PITPNM2: variants seen among roughly 807,000 people sequenced by gnomAD.
The protein encoded by PITPNM2 is phosphatidylinositol transfer protein membrane associated 2.
A neutral mutation model predicts 132.2 loss-of-function variants in PITPNM2; 35 were observed. That is an observed-to-expected ratio of 0.26 (90% confidence interval 0.20 to 0.35). The LOEUF (loss-of-function observed/expected upper bound fraction) is 0.35, where lower values mean the gene tolerates loss of function less well. PITPNM2 is among the 10% of genes least tolerant of loss of function. The pLI, the probability that PITPNM2 is intolerant of heterozygous loss-of-function variation, is 1.00. For missense variants in PITPNM2, 1,332 were observed against 1,912.0 expected (o/e 0.70, Z 5.66); for synonymous variants, 738 against 799.2 (o/e 0.92, Z 1.29).
chr12:123,079,769 G>T (rs2041903491), intron 2 of PITPNM2, among the ~76,000 whole-genome samples: 1 of 152,036 alleles, frequency 6.6e-6, no homozygotes, highest in South Asian at 2.1e-4. Context: ...TTTTATTGCA[G>T]TAAAATACAT....
chr12:123,117,427 T>C lies in PITPNM2; in HGVS notation c.-199-6939A>G, dbSNP rs144475557. On this transcript the variant is annotated intron_variant, in intron 1 of 25. Transcript: ENST00000320201. The surrounding 1 kb of genome is among the most constrained non-coding windows in gnomAD (Gnocchi z 4.7). ...GGATTCCCTGAGTGCAGTGAAGTGA[T>C]CATTGGCATGGGATTGAGACCAGAG... Among the ~76,000 whole-genome samples, 4 of 152,308 alleles carry C rather than the reference T, an allele frequency of 2.6e-5. No homozygotes were observed. Among genetic ancestry groups the C allele is most frequent in the East Asian group, 1.9e-4 (1 of 5,182 alleles).
chr12:123,098,956 ACTC>A (rs2137202214), intron 2 of PITPNM2, among the ~76,000 whole-genome samples: 1 of 151,250 alleles, frequency 6.6e-6, no homozygotes, highest in Admixed American at 6.6e-5. Flanking sequence ...CTCCTGATAA[ACTC>A]CTCCATATCC....
intron 1 of PITPNM2, 107 bp from the exon 2 acceptor site, chr12:123,110,595 A>G (rs547295613): frequency 6.6e-6 from 1 of 152,534 alleles, no homozygotes; most frequent in African/African-American, 2.4e-5. Context: ...AGAGGATTGA[A>G]CAGGGGACAT....
In PITPNM2 at chr12:122,983,559, C is replaced by A; in HGVS notation, c.*2468G>T. The A allele has an allele frequency of 6.5e-6, 1 of 152,924 alleles. No individual in the cohort carries two copies. The highest frequency in any genetic ancestry group is 1.5e-5 in the Non-Finnish European group (1 of 68,222). The allele number at this position is 152,924 out of a possible 1,614,324, so 9.5% of individuals were successfully genotyped here. ...ACACTCAGGCCCAATGATGCGGGGACAGCAGGGACGGATGGGGAGATGGGG... is the reference window on the plus strand; with the variant it reads ...ACACTCAGGCCCAATGATGCGGGGAAAGCAGGGACGGATGGGGAGATGGGG... On this transcript the variant is annotated 3_prime_UTR_variant, in exon 26 of 26. Coordinates refer to ENST00000320201, the MANE Select transcript of PITPNM2 (RefSeq NM_020845.3).
Position 122,995,274 on chromosome 12 carries a change from G to C in PITPNM2, c.2054+115C>G. The C allele has an allele frequency of 2.1e-6, 3 of 1,422,906 alleles. No homozygotes were observed. The Admixed American group carries it at 7.6e-5, about 36-fold the overall frequency. The allele number at this position is 1,422,906 out of a possible 1,614,324, so 88.1% of individuals were successfully genotyped here. ...ACTGGGATTCCAGGTCTCAGGCTGGGGGAACCTCAGGCAGACAGCCCGGGT... is the reference window on the plus strand; with the variant it reads ...ACTGGGATTCCAGGTCTCAGGCTGGCGGAACCTCAGGCAGACAGCCCGGGT... On this transcript the variant is annotated intron_variant, in intron 14 of 25. Coordinates refer to ENST00000320201, the MANE Select transcript of PITPNM2 (RefSeq NM_020845.3).
Position 122,986,436 on chromosome 12 carries a change from C to T in PITPNM2, c.3726G>A (p.Gln1242=), listed in dbSNP as rs1192030967. The change falls in exon 25 of 26, where the codon CAG becomes CAA. Residue 1242 remains glutamine, a splice_region_variant and synonymous_variant. Coordinates refer to ENST00000320201, the MANE Select transcript of PITPNM2 (RefSeq NM_020845.3). ...RPTKKLQQQC[Q]FITDGYAAHL... is the part of the protein sequence containing the mutation. ...CCGCCCCCACAATGCGCCCACTCACCTGGCACTGCTGCTGCAGCTTCTTGG... is the reference window on the plus strand; with the variant it reads ...CCGCCCCCACAATGCGCCCACTCACTTGGCACTGCTGCTGCAGCTTCTTGG... 6.4e-7 allele frequency: 1 copy of T among 1,570,134 alleles called. No homozygotes were observed. The highest frequency in any genetic ancestry group is 8.6e-7 in the Non-Finnish European group (1 of 1,158,378).
intron 2 of PITPNM2, among the ~76,000 whole-genome samples, chr12:123,069,097 T>A (rs1161869314): frequency 6.6e-6 from 1 of 151,478 alleles, no homozygotes; most frequent in Non-Finnish European, 1.5e-5. Flanking sequence ...TACAAAAAAA[T>A]TAAAAATTAG....
At position 122,994,871 on chromosome 12, in the gene PITPNM2, G is replaced by T; in HGVS notation, c.2163C>A (p.Asp721Glu). ...CCAGCGGGCACCCGAAGAGGAAGAGGTCGGTGATCTCAAAGTCAAACCTGC... is the reference window on the plus strand; with the variant it reads ...CCAGCGGGCACCCGAAGAGGAAGAGTTCGGTGATCTCAAAGTCAAACCTGC... ...ALGRFDFEITDLFLFGCPLGL... is the reference protein window; with the variant it reads ...ALGRFDFEITELFLFGCPLGL... The change falls in exon 15 of 26, where the codon GAC (aspartate) becomes GAA (glutamate). Residue 721 changes from aspartate (D) to glutamate (E), a missense_variant. Around this residue, in one of 6 missense-constraint regions of PITPNM2, gnomAD observed 710 missense variants for 911.5 expected, o/e 0.78. Transcript: ENST00000320201. This position sits in a 1 kb window ranked among gnomAD's most constrained non-coding sequence, Gnocchi z 5.4. 1.2e-6 allele frequency: 2 copies of T among 1,612,396 alleles called. No homozygotes were observed. Among genetic ancestry groups the T allele is most frequent in the South Asian group, 1.1e-5 (1 of 91,058 alleles).
At chr12:123,042,625 C>T (rs935611455) in intron 2 of PITPNM2, among the ~76,000 whole-genome samples, 1 of 152,168 alleles carries the variant, frequency 6.6e-6, no homozygotes, top group Non-Finnish European at 1.5e-5. Flanking sequence ...GTCTGGGGGC[C>T]TGGGACTCAG....
At chr12:123,098,239 C>T (rs2042461692) in intron 2 of PITPNM2, among the ~76,000 whole-genome samples, 1 of 152,126 alleles carries the variant, frequency 6.6e-6, no homozygotes, top group Admixed American at 6.5e-5. Flanking sequence ...CTCAAGGGAA[C>T]AAGGATTTGG....
Position 123,078,846 on chromosome 12 carries a change from C to T in PITPNM2, c.-96+31539G>A, listed in dbSNP as rs548920597. Among the ~76,000 whole-genome samples the T allele has an allele frequency of 2.6e-5, 4 of 152,312 alleles. No individual in the cohort carries two copies. The highest frequency in any genetic ancestry group is 2.1e-4 in the South Asian group (1 of 4,826). ...GCTGCAGCTGCCCACGTCCCAGCTT[C>T]GATACTGGCTTCAGCCACCTGGCCC... On this transcript the variant is annotated intron_variant, in intron 2 of 25. Coordinates refer to ENST00000320201, the MANE Select transcript of PITPNM2 (RefSeq NM_020845.3). The surrounding 1 kb of genome is among the most constrained non-coding windows in gnomAD (Gnocchi z 7.3).
At chr12:123,140,488 T>G (rs1240212860) in intron 1 of PITPNM2, among the ~76,000 whole-genome samples, 2 of 152,094 alleles carry the variant, frequency 1.3e-5, no homozygotes, top group African/African-American at 4.8e-5. Context: ...AGATGGAGAC[T>G]AAGCTGGCTC....
intron 2 of PITPNM2, among the ~76,000 whole-genome samples, chr12:123,105,774 G>A (rs769292589): frequency 2.6e-5 from 4 of 152,184 alleles, no homozygotes; most frequent in Non-Finnish European, 5.9e-5. Context: ...GAAATGAACC[G>A]AAGACAGGGG....
chr12:123,068,178 A>ACGGGCACGGC (rs200732908), intron 2 of PITPNM2, among the ~76,000 whole-genome samples: 48 of 36,110 alleles, frequency 1.3e-3, no homozygotes, highest in African/African-American at 4.0e-3. Flanking sequence ...CTAAAAATCC[A>ACGGGCACGGC]CGGGCACGGC....
intron 1 of PITPNM2, among the ~76,000 whole-genome samples, chr12:123,123,281 C>A (rs913526823): frequency 6.6e-6 from 1 of 152,136 alleles, no homozygotes; most frequent in Non-Finnish European, 1.5e-5. Flanking sequence ...AAAGCAGATG[C>A]ACAACAATAG....
At chr12:123,013,007 T>C (rs1185000576) in intron 4 of PITPNM2, among the ~76,000 whole-genome samples, 1 of 152,192 alleles carries the variant, frequency 6.6e-6, no homozygotes, top group East Asian at 1.9e-4. Context: ...GTCCACAGCA[T>C]GGCAGGAACA....
intron 1 of PITPNM2, among the ~76,000 whole-genome samples, chr12:123,128,615 T>C (rs2043198863): frequency 6.7e-6 from 1 of 149,862 alleles, no homozygotes; most frequent in African/African-American, 2.5e-5. Context: ...TAGCTGGCCA[T>C]AGTGGCACAC....
rs1475195629 is a variant in PITPNM2, at chr12:123,004,097, T to G, written c.1048+297A>C. On this transcript the variant is annotated intron_variant, in intron 8 of 25. Coordinates refer to ENST00000320201, the MANE Select transcript of PITPNM2 (RefSeq NM_020845.3). This position sits in a 1 kb window ranked among gnomAD's most constrained non-coding sequence, Gnocchi z 4.9. Reference sequence around the variant, plus strand: ...CATACGGAATAAAGCCCTAGTCTGATGGTGTATCCTTATTTGGGGTTTCAA... The same window carrying G: ...CATACGGAATAAAGCCCTAGTCTGAGGGTGTATCCTTATTTGGGGTTTCAA... 1.3e-5 allele frequency among the ~76,000 whole-genome samples: 2 copies of G among 152,242 alleles called. No homozygotes were observed. Among genetic ancestry groups the G allele is most frequent in the African/African-American group, 2.4e-5 (1 of 41,468 alleles).
chr12:123,132,573 T>A (rs1048295566), intron 1 of PITPNM2, among the ~76,000 whole-genome samples: 2 of 151,728 alleles, frequency 1.3e-5, no homozygotes, highest in Non-Finnish European at 2.9e-5. Flanking sequence ...TTTAGTGGCA[T>A]CAAGGACATC....
Sources: allele counts gnomAD v4.1 joint callset (sites outside exome capture counted in the v4.1 genomes callset), GRCh38; gene constraint gnomAD v4.1.1; regional missense constraint gnomAD v4.1.1; non-coding constraint Gnocchi (gnomAD v3.1); transcripts MANE v1.5; gene names NCBI Gene and HGNC (gene_info 2026-07-23, HGNC 2026-07-21).